The following DAB1 variants were observed in gnomAD, a reference collection of about 807,000 sequenced individuals.
DAB1 encodes the protein disabled homolog 1.
DAB1 carries 15 observed loss-of-function variants against 64.6 expected under a neutral mutation model. That is an observed-to-expected ratio of 0.23 (90% CI 0.16 to 0.36). DAB1 has a LOEUF of 0.36. DAB1 is among the 10% of genes least tolerant of loss of function. DAB1 has a pLI of 1.00. For synonymous variants in DAB1, 235 were observed against 251.9 expected, an observed-to-expected ratio of 0.93 and a Z score of 0.64; for missense variants, 596 against 706.7, an observed-to-expected ratio of 0.84 and a Z score of 1.78.
At chr1:58,072,215 G>A (rs1237078992) in intron 5 of DAB1, among the ~76,000 whole-genome samples, 1 of 151,988 alleles carries the variant, frequency 6.6e-6, no homozygotes, top group Non-Finnish European at 1.5e-5. Flanking sequence ...TTAATTTGAT[G>A]CTTGTTAAAA....
chr1:58,452,052 C>G (rs1645143285), intron 3 of DAB1, among the ~76,000 whole-genome samples: 2 of 151,994 alleles, frequency 1.3e-5, no homozygotes, highest in South Asian at 4.2e-4. Flanking sequence ...CTTGCCTTAG[C>G]CTCCTGAGTG....
chr1:57,070,400 C>T (rs933453425), intron 7 of DAB1, among the ~76,000 whole-genome samples: 1 of 152,174 alleles, frequency 6.6e-6, no homozygotes, highest in African/African-American at 2.4e-5. Flanking sequence ...AGACCACATG[C>T]TTGACCTCAA....
rs1570745541 is a variant in DAB1, at chr1:57,695,336, GAAAGAAAGAAAGAAAGA to G, written n.552-45688_552-45672del. ...AGAAAGAAAGAAAGAAAGAAAGAAA[GAAAGAAAGAAAGAAAGA>G]AAAGAAAGAAGAAAGAAAGAAAGAA... is the stretch of plus-strand genomic sequence containing the variant. On this transcript the variant is annotated intron_variant and non_coding_transcript_variant, in intron 6 of 20. Coordinates refer to the DAB1 transcript ENST00000485760. Among the ~76,000 whole-genome samples the G allele has an allele frequency of 3.6e-5, 4 of 111,460 alleles. No homozygotes were observed. In the East Asian group the frequency reaches 1.0e-3, roughly 29 times the overall value. 73.1% of individuals were successfully genotyped at this position (111,460 alleles called of 152,430 possible). A position where few individuals can be genotyped will look rare whatever the true frequency, so the allele number is the denominator to read the frequency against.
At chr1:57,062,405 T>A (rs1650495691) in intron 9 of DAB1, among the ~76,000 whole-genome samples, 1 of 152,224 alleles carries the variant, frequency 6.6e-6, no homozygotes, top group Non-Finnish European at 1.5e-5. Flanking sequence ...ACAGAAACAC[T>A]ATCCTCCACT....
chr1:57,314,215 A>T (rs538950381), intron 1 of DAB1, among the ~76,000 whole-genome samples: 1 of 152,340 alleles, frequency 6.6e-6, no homozygotes, highest in South Asian at 2.1e-4. Context: ...ATAGATACAC[A>T]TACTTAATAC....
intron 2 of DAB1, among the ~76,000 whole-genome samples, chr1:57,204,599 G>T (rs1176778855): frequency 6.6e-6 from 1 of 152,150 alleles, no homozygotes; most frequent in African/African-American, 2.4e-5. Flanking sequence ...ACTTGGGCAT[G>T]TATTCAATAG....
At chr1:57,105,712 G>T (rs1347714322) in intron 4 of DAB1, among the ~76,000 whole-genome samples, 1 of 152,060 alleles carries the variant, frequency 6.6e-6, no homozygotes, top group Non-Finnish European at 1.5e-5. Flanking sequence ...TAAACAGTCT[G>T]CAAAGACAGC....
chr1:57,856,214 A>C (rs1653747926), intron 1 of DAB1, among the ~76,000 whole-genome samples: 1 of 152,074 alleles, frequency 6.6e-6, no homozygotes, highest in Non-Finnish European at 1.5e-5. Context: ...CAAGAGTCTG[A>C]GGAGGTGAGT....
intron 6 of DAB1, among the ~76,000 whole-genome samples, chr1:57,748,200 C>T (rs1648377865): frequency 6.6e-6 from 1 of 152,152 alleles, no homozygotes; most frequent in Non-Finnish European, 1.5e-5. Context: ...CTCTGGGCAA[C>T]ATCAAAGACC....
intron 3 of DAB1, among the ~76,000 whole-genome samples, chr1:58,344,278 G>A (rs764606134): frequency 6.6e-6 from 1 of 152,146 alleles, no homozygotes; most frequent in Non-Finnish European, 1.5e-5. Flanking sequence ...TGACCCTTGT[G>A]TTAAAGAATA....
intron 5 of DAB1, among the ~76,000 whole-genome samples, chr1:57,930,614 G>A (rs1272891296): frequency 6.6e-6 from 1 of 152,068 alleles, no homozygotes; most frequent in African/African-American, 2.4e-5. Flanking sequence ...TTACAACTAA[G>A]TATTTTTTAG....
Position 57,949,983 on chromosome 1 carries a change from C to T in DAB1, n.388-65821G>A, listed in dbSNP as rs12030449. 7.7e-3 allele frequency among the ~76,000 whole-genome samples: 1,175 copies of T among 152,260 alleles called. 23 individuals are homozygous for T. The East Asian group carries it at 0.081, about 11-fold the overall frequency. On this transcript the variant is annotated intron_variant and non_coding_transcript_variant, in intron 5 of 20. Transcript: ENST00000485760. ...GAGGTTACAGACTATCATGTTGTCC[C>T]AAGGTTGTTGAGCTAGTTGGGTACT...
intron 6 of DAB1, among the ~76,000 whole-genome samples, chr1:57,674,210 A>C (rs1646539985): frequency 6.6e-6 from 1 of 152,198 alleles, no homozygotes; most frequent in Admixed American, 6.6e-5. Flanking sequence ...ATTTTATAGA[A>C]GGCATTTGAA....
chr1:58,204,281 T>C (rs980523755), intron 4 of DAB1, among the ~76,000 whole-genome samples: 20 of 152,212 alleles, frequency 1.3e-4, no homozygotes, highest in Admixed American at 9.2e-4. Context: ...CACAAAGAAC[T>C]GTCATGAAAA....
intron 5 of DAB1, among the ~76,000 whole-genome samples, chr1:57,904,353 G>A (rs1644518913): frequency 6.6e-6 from 1 of 152,030 alleles, no homozygotes; most frequent in Admixed American, 6.6e-5. Flanking sequence ...CTTGCTCGAG[G>A]GTCTTTCATT....
At chr1:57,952,486 G>C (rs1645300566) in intron 5 of DAB1, among the ~76,000 whole-genome samples, 1 of 152,076 alleles carries the variant, frequency 6.6e-6, no homozygotes, top group African/African-American at 2.4e-5. Context: ...GGATGTAGGT[G>C]CAGGTGAAAA....
chr1:58,261,207 C>A lies in DAB1; in HGVS notation n.309+82145G>T, dbSNP rs931460576. On this transcript the variant is annotated intron_variant and non_coding_transcript_variant, in intron 4 of 20. Coordinates refer to the DAB1 transcript ENST00000485760. ...GTCTTTAAACTGCATTCAGTGAACC[C>A]CAAATAAATAGCATTTTTCCCTGCC... Among the ~76,000 whole-genome samples the A allele has an allele frequency of 5.9e-5, 9 of 151,984 alleles. No homozygotes were observed. The South Asian group carries it at 1.5e-3, about 25-fold the overall frequency.
chr1:58,414,655 A>C (rs1459482360), intron 3 of DAB1, among the ~76,000 whole-genome samples: 2 of 152,262 alleles, frequency 1.3e-5, no homozygotes, highest in Non-Finnish European at 2.9e-5. Context: ...AGCATTATAG[A>C]AGGACATATT....
At chr1:58,051,481 T>C (rs1180040691) in intron 5 of DAB1, among the ~76,000 whole-genome samples, 3 of 152,242 alleles carry the variant, frequency 2.0e-5, no homozygotes, top group African/African-American at 4.8e-5. Flanking sequence ...AAGACTTTGC[T>C]ATTGTGAATA....
Sources: allele counts gnomAD v4.1 joint callset (sites outside exome capture counted in the v4.1 genomes callset), GRCh38; gene constraint gnomAD v4.1.1; transcripts MANE v1.5; gene names NCBI Gene and HGNC (gene_info 2026-07-23, HGNC 2026-07-21).